Variants in MIB1 observed in about 807,000 individuals in gnomAD.
MIB1 encodes MIB E3 ubiquitin protein ligase 1.
In MIB1, 278 loss-of-function variants were observed where a neutral mutation model predicts 124.5. The observed-to-expected ratio is 2.23, with a 90% CI of 2.02 to 2.47. The LOEUF (loss-of-function observed/expected upper bound fraction) is 2.47. Among genes scored for constraint, MIB1 ranks in the 30% most tolerant of loss-of-function variants. The pLI is 0.00. For synonymous variants in MIB1, 446 were observed against 429.4 expected, an observed-to-expected ratio of 1.04 and a Z score of -0.48; for missense variants, 957 against 1,254.4, an observed-to-expected ratio of 0.76 and a Z score of 3.58.
In MIB1 at chr18:21,789,230, T is replaced by G. The variant is rs151047033; in HGVS notation, c.909-2144T>G. Among the ~76,000 whole-genome samples, 604 of 152,146 alleles carry G rather than the reference T, an allele frequency of 4.0e-3. 4 individuals carry two copies. The highest frequency in any genetic ancestry group is 0.014 in the African/African-American group (577 of 41,498). On this transcript the variant is annotated intron_variant, in intron 6 of 20. Transcript: ENST00000261537. ...TCCCAGCAATCTTTGTTCCTTGGCTTGTAGATGCATCACTCTATATTCTCT... is the reference window on the plus strand; with the variant it reads ...TCCCAGCAATCTTTGTTCCTTGGCTGGTAGATGCATCACTCTATATTCTCT...
At chr18:21,753,261 TCACTGCAACCTTGG>T (rs1328982153) in intron 1 of MIB1, among the ~76,000 whole-genome samples, 1 of 152,056 alleles carries the variant, frequency 6.6e-6, no homozygotes, top group Non-Finnish European at 1.5e-5. Context: ...TGATCTCGGC[TCACTGCAACCTTGG>T]CTTCACAGGT....
At chr18:21,798,479 G>A (rs1163904103) in intron 8 of MIB1, among the ~76,000 whole-genome samples, 1 of 151,970 alleles carries the variant, frequency 6.6e-6, no homozygotes, top group Non-Finnish European at 1.5e-5. Flanking sequence ...GCTTTTTCTT[G>A]GGCATATCAG....
chr18:21,835,782 A>T (rs868688022), intron 12 of MIB1, among the ~76,000 whole-genome samples: 2,568 of 112,284 alleles, frequency 0.023, 58 homozygotes, highest in East Asian at 0.084. Context: ...GAAAAAAAAA[A>T]AAATATATAT....
At chr18:21,856,771 A>G (rs945420684) in intron 18 of MIB1, among the ~76,000 whole-genome samples, 1 of 152,274 alleles carries the variant, frequency 6.6e-6, no homozygotes, top group African/African-American at 2.4e-5. Flanking sequence ...AAGCAAGCTT[A>G]TAATTCTAGT....
At chr18:21,760,225 G>T (rs537822562) in intron 1 of MIB1, among the ~76,000 whole-genome samples, 16 of 152,292 alleles carry the variant, frequency 1.1e-4, no homozygotes, top group South Asian at 2.1e-4. Context: ...TGTTGCCAGG[G>T]CTAATGGTTT....
chr18:21,836,183 G>A (rs1012305495), intron 12 of MIB1, among the ~76,000 whole-genome samples: 1 of 152,010 alleles, frequency 6.6e-6, no homozygotes, highest in South Asian at 2.1e-4. Context: ...GAGCCTGGGA[G>A]GTTGAAACTG....
At chr18:21,720,025 G>T (rs188104404) in intron 1 of MIB1, among the ~76,000 whole-genome samples, 2 of 152,098 alleles carry the variant, frequency 1.3e-5, no homozygotes, top group South Asian at 4.2e-4. Context: ...GAAAACTTTG[G>T]TCACATTTGA....
rs1272095388 is a variant in MIB1, at chr18:21,798,089, A to G, written c.1098A>G (p.Leu366=). ...AATCTATTTTTTTCCCCAAGACTTT[A>G]GGTAAAGTTGGCCGAGTACAACAGA... ...GEWAEAMLPT[L]GKVGRVQQIY... is the part of the protein sequence containing the mutation. The change falls in exon 8 of 21, where the codon TTA becomes TTG. Residue 366 remains leucine, a synonymous_variant. Transcript: ENST00000261537. 1 of 1,612,690 alleles carries G rather than the reference A, an allele frequency of 6.2e-7. No homozygotes were observed. Among genetic ancestry groups the G allele is most frequent in the Non-Finnish European group, 8.5e-7 (1 of 1,179,028 alleles).
chr18:21,796,126 T>C (rs1004087328), intron 7 of MIB1, among the ~76,000 whole-genome samples: 4 of 152,004 alleles, frequency 2.6e-5, no homozygotes, highest in Non-Finnish European at 5.9e-5. Flanking sequence ...CGTTTGTTTT[T>C]TTCTTGTAAA....
intron 1 of MIB1, among the ~76,000 whole-genome samples, chr18:21,706,142 C>T (rs1007717410): frequency 1.3e-5 from 2 of 152,100 alleles, no homozygotes; most frequent in African/African-American, 4.8e-5. Flanking sequence ...AGTGCAATGG[C>T]GAGATCTCGG....
At chr18:21,735,688 G>C (rs2959529) in intron 1 of MIB1, among the ~76,000 whole-genome samples, 13 of 152,298 alleles carry the variant, frequency 8.5e-5, no homozygotes, top group African/African-American at 2.9e-4. Context: ...GCTTGGTCGG[G>C]GGGAGGGGCA....
intron 7 of MIB1, among the ~76,000 whole-genome samples, chr18:21,792,125 G>A (rs1047458699): frequency 1.3e-5 from 2 of 151,884 alleles, no homozygotes. Context: ...TTCTGTCCCT[G>A]CCTTTGGTAT....
intron 7 of MIB1, among the ~76,000 whole-genome samples, chr18:21,796,521 AC>A (rs1333227545): frequency 6.6e-6 from 1 of 152,152 alleles, no homozygotes; most frequent in African/African-American, 2.4e-5. Flanking sequence ...TATGTAACAA[AC>A]CTGCACTTTC....
intron 10 of MIB1, among the ~76,000 whole-genome samples, chr18:21,808,059 A>C (rs1329818359): frequency 6.6e-6 from 1 of 152,208 alleles, no homozygotes; most frequent in Non-Finnish European, 1.5e-5. Context: ...GGGCTCTTTT[A>C]AAAAGTTTCT....
At chr18:21,855,927 G>A (rs1429426240) in intron 18 of MIB1, among the ~76,000 whole-genome samples, 1 of 152,194 alleles carries the variant, frequency 6.6e-6, no homozygotes, top group East Asian at 1.9e-4. Flanking sequence ...TAGATGTAAG[G>A]TAGTATTAAC....
chr18:21,824,709 A>G (rs2041909277), intron 12 of MIB1, among the ~76,000 whole-genome samples: 2 of 152,034 alleles, frequency 1.3e-5, no homozygotes, highest in Admixed American at 1.3e-4. Context: ...GTTCATTTTG[A>G]AATGGAGGAG....
upstream of MIB1, among the ~76,000 whole-genome samples, chr18:21,739,307 C>T (rs1484964788): frequency 1.3e-5 from 2 of 152,096 alleles, no homozygotes; most frequent in East Asian, 3.9e-4. Context: ...AGCCTACCAA[C>T]CAAAAGAAGT....
intron 8 of MIB1, among the ~76,000 whole-genome samples, 197 bp from the exon 9 acceptor site, chr18:21,799,644 A>G (rs1167036459): frequency 6.6e-6 from 1 of 152,050 alleles, no homozygotes; most frequent in African/African-American, 2.4e-5. Context: ...AATTGGAGAA[A>G]ACTTGGAATA....
At chr18:21,781,769 A>G (rs1457578249) in intron 6 of MIB1, among the ~76,000 whole-genome samples, 1 of 151,970 alleles carries the variant, frequency 6.6e-6, no homozygotes, top group Admixed American at 6.6e-5. Context: ...CCAATAATTT[A>G]TCTATTTCTT....
Sources: allele counts gnomAD v4.1 joint callset (sites outside exome capture counted in the v4.1 genomes callset), GRCh38; gene constraint gnomAD v4.1.1; transcripts MANE v1.5; gene names NCBI Gene and HGNC (gene_info 2026-07-23, HGNC 2026-07-21).